ACTR3C: variants seen among roughly 807,000 people sequenced by gnomAD.
ACTR3C encodes the protein actin related protein 3C.
A neutral mutation model predicts 26.3 loss-of-function variants in ACTR3C; 18 were observed. That is an observed-to-expected ratio of 0.68 (90% CI 0.47 to 1.01). The LOEUF is 1.01. Ranked by LOEUF, ACTR3C falls within the 50% of genes least tolerant of loss-of-function variation. The probability of loss-of-function intolerance (pLI) is 0.00; values close to 1 mark genes in which losing one functional copy is unlikely to be tolerated. For missense variants in ACTR3C, 184 were observed against 250.7 expected, an observed-to-expected ratio of 0.73 and a Z score of 1.80; for synonymous variants, 55 against 94.5, an observed-to-expected ratio of 0.58 and a Z score of 2.42.
chr7:150,130,741 A>G, the ACTR3C span, among the ~76,000 whole-genome samples: 2 of 152,204 alleles, frequency 1.3e-5, no homozygotes, highest in Non-Finnish European at 2.9e-5. Flanking sequence ...ATGTCCATCA[A>G]CTGTTGAATG....
At chr7:149,952,744 C>CA in the ACTR3C span, among the ~76,000 whole-genome samples, 1 of 151,072 alleles carries the variant, frequency 6.6e-6, no homozygotes, top group South Asian at 2.1e-4. Flanking sequence ...ACTAAGTAAT[C>CA]AAAAAATGCA....
the ACTR3C span, among the ~76,000 whole-genome samples, chr7:150,115,719 A>G: frequency 2.6e-5 from 4 of 152,208 alleles, no homozygotes; most frequent in African/African-American, 9.6e-5. Context: ...TAGGTACAGT[A>G]CTCAGTCAGC....
At chr7:150,035,556 C>A in the ACTR3C span, among the ~76,000 whole-genome samples, 12 of 118,602 alleles carry the variant, frequency 1.0e-4, no homozygotes, top group Non-Finnish European at 1.8e-4. Context: ...CGATGGGGGT[C>A]CGCAGAGCCG....
At chr7:150,047,944 A>G in the ACTR3C span, 13 of 1,230,602 alleles carry the variant, frequency 1.1e-5, no homozygotes, top group Non-Finnish European at 1.4e-5. Flanking sequence ...TCCAGATTAA[A>G]AAAAAGGCGG....
chr7:150,297,501 G>C (rs1437573113), intron 1 of ACTR3C, among the ~76,000 whole-genome samples: 1 of 152,118 alleles, frequency 6.6e-6, no homozygotes, highest in Non-Finnish European at 1.5e-5. Context: ...GAAGAATGCA[G>C]AAAGTCCAGC....
chr7:150,240,947 C>T (rs1238687202), downstream of ACTR3C, among the ~76,000 whole-genome samples: 1 of 152,014 alleles, frequency 6.6e-6, no homozygotes, highest in Non-Finnish European at 1.5e-5. Context: ...GTACCACATA[C>T]AAAAGCATCA....
At chr7:150,291,379 A>G (rs1319082736) in intron 3 of ACTR3C, among the ~76,000 whole-genome samples, 1 of 152,336 alleles carries the variant, frequency 6.6e-6, no homozygotes, top group Middle Eastern at 3.4e-3. Context: ...CAGTGTGCCG[A>G]GATCGTGCCA....
the ACTR3C span, among the ~76,000 whole-genome samples, chr7:149,934,036 T>C: frequency 6.6e-6 from 1 of 150,736 alleles, no homozygotes; most frequent in Admixed American, 6.6e-5. Context: ...ATTCTGGGTG[T>C]CAAGTTCCTT....
chr7:150,131,456 G>A, the ACTR3C span, among the ~76,000 whole-genome samples: 5 of 141,320 alleles, frequency 3.5e-5, no homozygotes, highest in Middle Eastern at 3.7e-3. Context: ...AAAGCAGCTC[G>A]AACAAAACTG....
At chr7:150,311,396 A>G (rs1796310657) in intron 1 of ACTR3C, among the ~76,000 whole-genome samples, 2 of 152,198 alleles carry the variant, frequency 1.3e-5, no homozygotes, top group Admixed American at 6.5e-5. Context: ...TAATACGTCT[A>G]GAGGCCCTCA....
At chr7:150,205,728 C>T in the ACTR3C span, among the ~76,000 whole-genome samples, 1 of 152,118 alleles carries the variant, frequency 6.6e-6, no homozygotes, top group Admixed American at 6.5e-5. Context: ...CTAACAAATT[C>T]AGTTCTGGCG....
At chr7:149,956,933 G>A in the ACTR3C span, among the ~76,000 whole-genome samples, 2 of 152,066 alleles carry the variant, frequency 1.3e-5, no homozygotes, top group Non-Finnish European at 2.9e-5. Flanking sequence ...ACTGCTTGCC[G>A]CTAGAACTCA....
At chr7:150,182,525 C>A in the ACTR3C span, among the ~76,000 whole-genome samples, 116 of 150,758 alleles carry the variant, frequency 7.7e-4, 9 homozygotes, top group African/African-American at 2.6e-3. Flanking sequence ...AGAAAACCCA[C>A]CAGTCTTTTT....
At chr7:150,023,083 T>C in the ACTR3C span, among the ~76,000 whole-genome samples, 2 of 139,608 alleles carry the variant, frequency 1.4e-5, no homozygotes, top group African/African-American at 2.7e-5. Context: ...CTGTTGAGTA[T>C]ATATGTTCTC....
the ACTR3C span, among the ~76,000 whole-genome samples, chr7:150,234,812 T>G: frequency 6.6e-6 from 1 of 152,206 alleles, no homozygotes; most frequent in Non-Finnish European, 1.5e-5. Flanking sequence ...TTTAAGAACT[T>G]TACACATTGG....
At position 150,268,088 on chromosome 7, in the gene ACTR3C, C is replaced by T. The variant is rs548783344; in HGVS notation, c.564+16665G>A. 2.2e-4 allele frequency among the ~76,000 whole-genome samples: 33 copies of T among 152,022 alleles called. No individual in the cohort carries two copies. The East Asian group carries it at 4.1e-3, about 19-fold the overall frequency. On this transcript the variant is annotated intron_variant, in intron 6 of 7. Transcript: ENST00000683684. ...AATGGCCTTGCTGAAAAGGTGGCAT[C>T]GGGGACTTAAATGAGAAGAAAGATG...
intron 3 of ACTR3C, among the ~76,000 whole-genome samples, chr7:150,293,000 A>G (rs1161835209): frequency 6.6e-6 from 1 of 152,200 alleles, no homozygotes; most frequent in Non-Finnish European, 1.5e-5. Flanking sequence ...ACGGGGATCA[A>G]GCAGAGGCTC....
the ACTR3C span, among the ~76,000 whole-genome samples, chr7:150,013,427 C>G: frequency 6.6e-6 from 1 of 152,244 alleles, no homozygotes; most frequent in African/African-American, 2.4e-5. Context: ...GGCAGCTGTT[C>G]TCCCATTTCC....
the ACTR3C span, among the ~76,000 whole-genome samples, chr7:150,037,973 G>C: frequency 5.0e-5 from 7 of 139,766 alleles, 1 homozygote; most frequent in East Asian, 2.0e-4. Flanking sequence ...GGAGGAAAGG[G>C]GGAGGTTCGC....
Sources: allele counts gnomAD v4.1 joint callset (sites outside exome capture counted in the v4.1 genomes callset), GRCh38; gene constraint gnomAD v4.1.1; transcripts MANE v1.5; gene names NCBI Gene and HGNC (gene_info 2026-07-23, HGNC 2026-07-21).